Variants in GPATCH2 observed in about 807,000 individuals in gnomAD.
The protein encoded by GPATCH2 is G-patch domain containing 2.
GPATCH2 carries 51 observed loss-of-function variants against 58.0 expected under a neutral mutation model. That is an observed-to-expected ratio of 0.88 (90% CI 0.70 to 1.11). The LOEUF (loss-of-function observed/expected upper bound fraction) is 1.11. Among genes scored for constraint, GPATCH2 ranks in the 50% most tolerant of loss-of-function variants. The pLI, the probability that GPATCH2 is intolerant of heterozygous loss-of-function variation, is 0.00. For missense variants in GPATCH2, 625 were observed against 652.2 expected, an observed-to-expected ratio of 0.96 and a Z score of 0.45; for synonymous variants, 222 against 218.5, an observed-to-expected ratio of 1.02 and a Z score of -0.14.
At chr1:217,480,316 T>C (rs1202340494) in intron 8 of GPATCH2, among the ~76,000 whole-genome samples, 1 of 151,964 alleles carries the variant, frequency 6.6e-6, no homozygotes, top group Non-Finnish European at 1.5e-5. Flanking sequence ...AATAATCTGA[T>C]TACAAAATGG....
chr1:217,577,030 AT>A (rs1666839158), intron 5 of GPATCH2, among the ~76,000 whole-genome samples: 1 of 152,202 alleles, frequency 6.6e-6, no homozygotes, highest in Non-Finnish European at 1.5e-5. Context: ...AAAAAATACA[AT>A]TTATAATATA....
intron 9 of GPATCH2, among the ~76,000 whole-genome samples, chr1:217,436,107 G>T (rs1658815556): frequency 6.6e-6 from 1 of 151,340 alleles, no homozygotes; most frequent in Admixed American, 6.6e-5. Flanking sequence ...AGGAGGAAGT[G>T]TTCTTATTAA....
chr1:217,452,132 T>C (rs1659695002), intron 8 of GPATCH2, among the ~76,000 whole-genome samples: 1 of 152,148 alleles, frequency 6.6e-6, no homozygotes, highest in Admixed American at 6.5e-5. Context: ...ACCAGATGCA[T>C]GGATGCTGGT....
intron 2 of GPATCH2, among the ~76,000 whole-genome samples, chr1:217,616,396 T>C (rs187662963): frequency 6.6e-6 from 1 of 152,244 alleles, no homozygotes; most frequent in East Asian, 1.9e-4. Flanking sequence ...GGTCCTTTTG[T>C]TTATGTTCTT....
chr1:217,523,258 G>A (rs1052247908), intron 5 of GPATCH2, among the ~76,000 whole-genome samples: 6 of 151,604 alleles, frequency 4.0e-5, no homozygotes, highest in African/African-American at 1.2e-4. Flanking sequence ...ATAGTGGAGG[G>A]AAGGTCAGCA....
chr1:217,508,221 G>A (rs1175319405), intron 6 of GPATCH2, among the ~76,000 whole-genome samples: 1 of 152,104 alleles, frequency 6.6e-6, no homozygotes, highest in Non-Finnish European at 1.5e-5. Flanking sequence ...TAGAGTTAAA[G>A]ACACTTTCAC....
At chr1:217,604,120 G>A (rs904105773) in intron 5 of GPATCH2, among the ~76,000 whole-genome samples, 1 of 151,974 alleles carries the variant, frequency 6.6e-6, no homozygotes. Flanking sequence ...GGAGGGCGAG[G>A]TGGAAGGATC....
intron 6 of GPATCH2, among the ~76,000 whole-genome samples, chr1:217,507,607 G>A (rs1041842475): frequency 1.2e-4 from 19 of 152,108 alleles, no homozygotes; most frequent in Admixed American, 1.3e-4. Flanking sequence ...TTGGCAGATG[G>A]TGTTTAAAAT....
chr1:217,535,338 A>T (rs899260325), intron 5 of GPATCH2, among the ~76,000 whole-genome samples: 2 of 152,228 alleles, frequency 1.3e-5, no homozygotes, highest in African/African-American at 4.8e-5. Flanking sequence ...ACAGTCTAAA[A>T]AGGAAGTTTT....
At chr1:217,595,808 T>C (rs1014425103) in intron 5 of GPATCH2, among the ~76,000 whole-genome samples, 3 of 152,152 alleles carry the variant, frequency 2.0e-5, no homozygotes, top group Admixed American at 6.6e-5. Flanking sequence ...CCGATCCTTC[T>C]TAATGTAGGT....
intron 5 of GPATCH2, among the ~76,000 whole-genome samples, chr1:217,572,196 A>G (rs1666598808): frequency 6.6e-6 from 1 of 152,138 alleles, no homozygotes; most frequent in Non-Finnish European, 1.5e-5. Context: ...CTTAGAGAGG[A>G]TACATTGATA....
chr1:217,534,167 GAT>G (rs997590903), intron 5 of GPATCH2, among the ~76,000 whole-genome samples: 2 of 152,076 alleles, frequency 1.3e-5, no homozygotes, highest in African/African-American at 4.8e-5. Flanking sequence ...AGTGAGCCAA[GAT>G]CACGCCACTG....
intron 2 of GPATCH2, among the ~76,000 whole-genome samples, chr1:217,615,258 A>C (rs2102826478): frequency 6.6e-6 from 1 of 152,130 alleles, no homozygotes; most frequent in Non-Finnish European, 1.5e-5. Context: ...TTTCTGTTCG[A>C]TTTCTTAAAA....
At position 217,553,585 on chromosome 1, in the gene GPATCH2, G is replaced by GA. The variant is rs1348961344; in HGVS notation, c.1099-38697dup. Among the ~76,000 whole-genome samples the GA allele has an allele frequency of 4.6e-5, 7 of 151,900 alleles. 1 individual carries two copies. In the South Asian group the frequency reaches 1.5e-3, roughly 32 times the overall value. On this transcript the variant is annotated intron_variant, in intron 5 of 9. Transcript: ENST00000366935. The stretch of plus-strand genomic sequence containing the variant: ...TAGGGAACATTAAGTAATATTTTAA[G>GA]AAAAAATTAAAGTTCCAACACAATT...
intron 8 of GPATCH2, among the ~76,000 whole-genome samples, chr1:217,462,616 A>G (rs1660247958): frequency 6.6e-6 from 1 of 152,208 alleles, no homozygotes; most frequent in South Asian, 2.1e-4. Context: ...AAGAATATCT[A>G]CCTCATAGGG....
intron 5 of GPATCH2, among the ~76,000 whole-genome samples, chr1:217,545,334 C>A (rs1284386054): frequency 7.2e-5 from 11 of 152,152 alleles, no homozygotes; most frequent in Admixed American, 7.2e-4. Context: ...ACTACCAAGA[C>A]CATATCTCAG....
chr1:217,484,103 G>A (rs2102521693), intron 8 of GPATCH2, among the ~76,000 whole-genome samples: 1 of 152,228 alleles, frequency 6.6e-6, no homozygotes, highest in South Asian at 2.1e-4. Flanking sequence ...GGGTCATGAG[G>A]TGCCTAGGCA....
chr1:217,571,254 T>C (rs747429155), intron 5 of GPATCH2, among the ~76,000 whole-genome samples: 5 of 152,152 alleles, frequency 3.3e-5, no homozygotes, highest in Non-Finnish European at 7.4e-5. Context: ...TCTCTCTTTC[T>C]CTAACTGTTC....
At chr1:217,592,540 C>G (rs1667639290) in intron 5 of GPATCH2, among the ~76,000 whole-genome samples, 1 of 151,686 alleles carries the variant, frequency 6.6e-6, no homozygotes, top group Non-Finnish European at 1.5e-5. Flanking sequence ...TTGAAAAAAT[C>G]TAATTTAAGT....
Sources: gnomAD v4.1 joint callset for allele counts (sites outside exome capture counted in the v4.1 genomes callset) on GRCh38, gnomAD v4.1.1 for gene constraint, MANE v1.5 for transcripts, NCBI Gene and HGNC (gene_info 2026-07-23, HGNC 2026-07-21) for gene names.